ACTN2: variants seen among roughly 807,000 people sequenced by gnomAD.
ACTN2 encodes the protein alpha-actinin-2.
In ACTN2, 39 loss-of-function variants were observed where a neutral mutation model predicts 113.8. The ratio of observed to expected loss-of-function variants is 0.34; its 90% CI spans 0.27 to 0.45. The LOEUF (loss-of-function observed/expected upper bound fraction) is 0.45. ACTN2 is among the 20% of genes least tolerant of loss of function. The pLI is 1.00. For synonymous variants in ACTN2, 429 were observed against 444.1 expected, an observed-to-expected ratio of 0.97 and a Z score of 0.43; for missense variants, 992 against 1,177.9, an observed-to-expected ratio of 0.84 and a Z score of 2.31.
Position 236,709,255 on chromosome 1 carries a change from T to TAC in ACTN2, c.127-8587_127-8586dup, listed in dbSNP as rs372642966. The stretch of plus-strand genomic sequence containing the variant: ...ATATATATATATATATATATATATA[T>TAC]ACACACACACACACACATATATATG... On this transcript the variant is annotated intron_variant, in intron 1 of 20. Coordinates refer to ENST00000366578, the MANE Select transcript of ACTN2 (RefSeq NM_001103.4). Among the ~76,000 whole-genome samples, 272 of 68,842 alleles carry TAC rather than the reference T, an allele frequency of 4.0e-3. 3 individuals carry two copies. The highest frequency in any genetic ancestry group is 7.2e-3 in the African/African-American group (136 of 18,876). 45.2% of individuals were successfully genotyped at this position (68,842 alleles called of 152,430 possible). A position where few individuals can be genotyped will look rare whatever the true frequency, so the allele number is the denominator to read the frequency against.
At position 236,693,096 on chromosome 1, in the gene ACTN2, G is replaced by A. The variant is rs112150670; in HGVS notation, c.126+6297G>A. On this transcript the variant is annotated intron_variant, in intron 1 of 20. Coordinates refer to ENST00000366578, the MANE Select transcript of ACTN2 (RefSeq NM_001103.4). The stretch of plus-strand genomic sequence containing the variant: ...ACTACTATGCTAGACAAATTTCAAA[G>A]GAAGGAAAACCTTAAGTGCAAGAAT... Among the ~76,000 whole-genome samples, 231 of 151,828 alleles carry A rather than the reference G, an allele frequency of 1.5e-3. 1 individual carries two copies. The highest frequency in any genetic ancestry group is 0.014 in the Middle Eastern group (4 of 294).
chr1:236,734,324 T>G, intron 7 of ACTN2: 1 of 696,906 alleles, frequency 1.4e-6, no homozygotes, highest in Non-Finnish European at 2.4e-6. Flanking sequence ...CATAAGTGTA[T>G]GGGGGCGAAG....
intron 1 of ACTN2, among the ~76,000 whole-genome samples, chr1:236,697,527 T>G (rs1360135046): frequency 1.3e-5 from 2 of 152,214 alleles, no homozygotes; most frequent in African/African-American, 4.8e-5. Context: ...TGTTGGGAAC[T>G]GAACATGGAA....
At chr1:236,724,330 C>T (rs1658485540) in intron 4 of ACTN2, among the ~76,000 whole-genome samples, 1 of 152,206 alleles carries the variant, frequency 6.6e-6, no homozygotes, top group Admixed American at 6.5e-5. Flanking sequence ...AATACAGGCA[C>T]ATTAGGGTCT....
intron 1 of ACTN2, among the ~76,000 whole-genome samples, chr1:236,705,110 A>C (rs527466283): frequency 1.3e-5 from 2 of 152,292 alleles, no homozygotes; most frequent in Admixed American, 1.3e-4. Flanking sequence ...GGCCTGAGCC[A>C]CCCTAGCATG....
rs1338190186 is a variant in ACTN2 at position 236,724,486 on chromosome 1, G to A, written c.449-1447G>A. On this transcript the variant is annotated intron_variant, in intron 4 of 20. Transcript: ENST00000366578. ...ATGCCTGAGGAGCCTTCAGACCAGA[G>A]CTCCTGGCTGACACCTGGGCCGAGA... 2.0e-5 allele frequency among the ~76,000 whole-genome samples: 3 copies of A among 152,342 alleles called. No homozygotes were observed. In the East Asian group the frequency reaches 5.8e-4, roughly 29 times the overall value.
chr1:236,692,684 A>G (rs1308655763), intron 1 of ACTN2, among the ~76,000 whole-genome samples: 1 of 152,132 alleles, frequency 6.6e-6, no homozygotes, highest in Non-Finnish European at 1.5e-5. Flanking sequence ...AGGCACAAAA[A>G]ACACTCTTTG....
chr1:236,711,541 G>A (rs915019388), intron 1 of ACTN2, among the ~76,000 whole-genome samples: 1 of 152,078 alleles, frequency 6.6e-6, no homozygotes, highest in Non-Finnish European at 1.5e-5. Flanking sequence ...GTAGAGATGG[G>A]ATTTCACCGT....
At chr1:236,718,785 T>C (rs1238718628) in intron 2 of ACTN2, 109 bp from the exon 3 acceptor site, 2 of 1,487,214 alleles carry the variant, frequency 1.3e-6, no homozygotes, top group African/African-American at 2.8e-5. Context: ...GAAATAGTCA[T>C]GTAACCTTCT....
At chr1:236,710,004 T>C (rs4659703) in intron 1 of ACTN2, among the ~76,000 whole-genome samples, 62,673 of 152,198 alleles carry the variant, frequency 0.41, 15,589 homozygotes, top group Non-Finnish European at 0.56. Context: ...CAGATAGTTT[T>C]ACAGAAGCCA....
At chr1:236,713,152 A>G (rs1319611093) in intron 1 of ACTN2, among the ~76,000 whole-genome samples, 1 of 152,136 alleles carries the variant, frequency 6.6e-6, no homozygotes, top group Non-Finnish European at 1.5e-5. Flanking sequence ...ACAGTGGAAT[A>G]CTATACAGCC....
intron 17 of ACTN2, among the ~76,000 whole-genome samples, 174 bp downstream of exon 17, chr1:236,755,372 A>G (rs919081582): frequency 5.3e-5 from 8 of 152,216 alleles, no homozygotes; most frequent in Admixed American, 3.3e-4. Flanking sequence ...TTCGTGAGCT[A>G]TATCGAGGAC....
chr1:236,729,857 G>T (rs1031559318), intron 6 of ACTN2, among the ~76,000 whole-genome samples: 3 of 152,202 alleles, frequency 2.0e-5, no homozygotes, highest in Non-Finnish European at 4.4e-5. Flanking sequence ...ATTATGGTCA[G>T]TTTGTATTAC....
intron 7 of ACTN2, 135 bp downstream of exon 7, chr1:236,731,449 C>T: frequency 1.4e-6 from 1 of 697,216 alleles, no homozygotes; most frequent in Non-Finnish European, 2.6e-6. Context: ...AAATTTCTGT[C>T]ACTGGCCACA....
At chr1:236,722,979 T>C (rs759383389) in intron 4 of ACTN2, among the ~76,000 whole-genome samples, 5 of 152,202 alleles carry the variant, frequency 3.3e-5, no homozygotes, top group African/African-American at 7.2e-5. Flanking sequence ...TAGTAACCAA[T>C]TGAAGAAGGA....
At chr1:236,701,892 G>T (rs1464927101) in intron 1 of ACTN2, among the ~76,000 whole-genome samples, 1 of 152,154 alleles carries the variant, frequency 6.6e-6, no homozygotes, top group East Asian at 1.9e-4. Flanking sequence ...TCTATAATGA[G>T]ACACAGGTAG....
intron 2 of ACTN2, 137 bp downstream of exon 2, chr1:236,718,109 C>A: frequency 2.9e-6 from 2 of 696,872 alleles, no homozygotes; most frequent in East Asian, 2.8e-5. Context: ...AAAACCTTTC[C>A]AAAGAACAAT....
chr1:236,740,235 T>C (rs1659028334), intron 10 of ACTN2, among the ~76,000 whole-genome samples: 1 of 152,064 alleles, frequency 6.6e-6, no homozygotes, highest in Non-Finnish European at 1.5e-5. Context: ...TGCCTCAGCC[T>C]CCTGAGTAGC....
rs181595817 is a variant in ACTN2 at position 236,695,301 on chromosome 1, C to G, written c.126+8502C>G. On this transcript the variant is annotated intron_variant, in intron 1 of 20. Transcript: ENST00000366578. ...GCTGAGGCATGAAAATCACTTGAAC[C>G]TGGGAGGCGGCGGCTGCTGTGAGCC... Among the ~76,000 whole-genome samples, 77 of 149,330 alleles carry G rather than the reference C, an allele frequency of 5.2e-4. No homozygotes were observed. The East Asian group carries it at 9.0e-3, about 18-fold the overall frequency.
Sources: allele counts gnomAD v4.1 joint callset (sites outside exome capture counted in the v4.1 genomes callset), GRCh38; gene constraint gnomAD v4.1.1; transcripts MANE v1.5; gene names NCBI Gene and HGNC (gene_info 2026-07-23, HGNC 2026-07-21).